TOX3: variants seen among roughly 807,000 people sequenced by gnomAD.
The protein encoded by TOX3 is TOX high mobility group box family member 3.
A neutral mutation model predicts 64.3 loss-of-function variants in TOX3; 22 were observed. The ratio of observed to expected loss-of-function variants is 0.34; its 90% confidence interval spans 0.24 to 0.49. TOX3 has a LOEUF of 0.49. Ranked by LOEUF, TOX3 falls within the 20% of genes least tolerant of loss-of-function variation. The pLI, the probability that TOX3 is intolerant of heterozygous loss-of-function variation, is 0.99. For missense variants in TOX3, 661 were observed against 714.4 expected (o/e 0.93, Z 0.85); for synonymous variants, 291 against 273.6 (o/e 1.06, Z -0.63).
intron 3 of TOX3, among the ~76,000 whole-genome samples, chr16:52,452,175 T>C (rs1960370887): frequency 6.6e-6 from 1 of 152,202 alleles, no homozygotes; most frequent in African/African-American, 2.4e-5. Flanking sequence ...AAGTGTATCC[T>C]AACATTAACA....
At chr16:52,459,034 C>T (rs1476448068) in intron 3 of TOX3, among the ~76,000 whole-genome samples, 1 of 152,072 alleles carries the variant, frequency 6.6e-6, no homozygotes, top group Admixed American at 6.5e-5. Flanking sequence ...TAAAAACAGG[C>T]CAGGTGCAGT....
chr16:52,442,879 A>C (rs1960044756), intron 6 of TOX3, among the ~76,000 whole-genome samples: 1 of 152,104 alleles, frequency 6.6e-6, no homozygotes, highest in Non-Finnish European at 1.5e-5. Flanking sequence ...GGTGTCATTG[A>C]ATTCTACCTG....
At chr16:52,461,943 A>G (rs1373966224) in intron 3 of TOX3, among the ~76,000 whole-genome samples, 1 of 152,140 alleles carries the variant, frequency 6.6e-6, no homozygotes, top group Non-Finnish European at 1.5e-5. Context: ...TACATAGAAC[A>G]AAGCCAACAA....
Position 52,480,071 on chromosome 16 carries a change from T to A in TOX3, c.88-11497A>T, listed in dbSNP as rs192943846. Among the ~76,000 whole-genome samples the A allele has an allele frequency of 9.9e-4, 151 of 152,322 alleles. 1 individual carries two copies. Among genetic ancestry groups the A allele is most frequent in the African/African-American group, 3.6e-3 (148 of 41,560 alleles). ...AGTGTCTGTCTCCCTGCTACAGTCC[T>A]TGGGGGCAGAGGCAATGCCTCATTG... is the stretch of plus-strand genomic sequence containing the variant. On this transcript the variant is annotated intron_variant, in intron 1 of 6. Transcript: ENST00000219746.
intron 1 of TOX3, among the ~76,000 whole-genome samples, chr16:52,514,430 T>A (rs1364867543): frequency 1.3e-5 from 2 of 152,232 alleles, no homozygotes; most frequent in East Asian, 3.9e-4. Context: ...TGAGCCCAAC[T>A]GATGCCTAAC....
In TOX3 at chr16:52,446,068, G is replaced by A. The variant is rs751141352; in HGVS notation, c.832C>T (p.Pro278Ser). The A allele has an allele frequency of 1.9e-6, 3 of 1,613,792 alleles. No homozygotes were observed. The highest frequency in any genetic ancestry group is 1.7e-5 in the Admixed American group (1 of 59,990). ...DTQAAIKGQN[P>S]NATFGEVSKI... The stretch of plus-strand genomic sequence containing the variant: ...GAGACCTCTCCAAAGGTTGCATTGG[G>A]GTTTTGACCTTTAATTGCAGCCTGT... Residue 278 changes from proline (P) to serine (S), a missense_variant, in exon 5 of 7, where the codon CCC becomes TCC. Coordinates refer to ENST00000219746, the MANE Select transcript of TOX3 (RefSeq NM_001080430.4).
chr16:52,469,874 G>T (rs2151760182), intron 1 of TOX3, among the ~76,000 whole-genome samples: 1 of 152,256 alleles, frequency 6.6e-6, no homozygotes, highest in East Asian at 1.9e-4. Flanking sequence ...TCATGTCAGG[G>T]ATCCAAGAAC....
Position 52,463,007 on chromosome 16 carries a change from T to C in TOX3, c.408+927A>G, listed in dbSNP as rs149298951. 5.9e-5 allele frequency among the ~76,000 whole-genome samples: 9 copies of C among 152,292 alleles called. No homozygotes were observed. In the East Asian group the frequency reaches 1.5e-3, roughly 26 times the overall value. ...TAATCCACTACATATTTTGCAATCA[T>C]ATGTTGTTATCTGGGGAATTAACAA... On this transcript the variant is annotated intron_variant, in intron 3 of 6. Coordinates refer to ENST00000219746, the MANE Select transcript of TOX3 (RefSeq NM_001080430.4).
chr16:52,439,506 G>T lies in TOX3; in HGVS notation c.1450C>A (p.His484Asn), dbSNP rs371036139. The change falls in exon 7 of 7, where the codon CAC becomes AAC. Residue 484 changes from histidine to asparagine, a missense_variant. His to Asn is a moderately conservative substitution (Grantham distance 68). Around this residue, in one of 3 missense-constraint regions of TOX3, gnomAD observed 299 missense variants for 292.1 expected, o/e 1.02. Coordinates refer to ENST00000219746, the MANE Select transcript of TOX3 (RefSeq NM_001080430.4). ...TGCTGCAGGTGCTGCTGCATGTGGTGCTGGAAATGCTGCTGCTGCATCTGC... is the reference window on the plus strand; with the variant it reads ...TGCTGCAGGTGCTGCTGCATGTGGTTCTGGAAATGCTGCTGCTGCATCTGC... ...QQQMQQQHFQHHMQQHLQQQQ... is the reference protein window; with the variant it reads ...QQQMQQQHFQNHMQQHLQQQQ... 4.3e-6 allele frequency: 6 copies of T among 1,408,318 alleles called. No individual in the cohort carries two copies. In the African/African-American group the frequency reaches 7.2e-5, roughly 17 times the overall value. The allele number at this position is 1,408,318 out of a possible 1,614,324, so 87.2% of individuals were successfully genotyped here.
chr16:52,483,827 C>T (rs928536904), intron 1 of TOX3, among the ~76,000 whole-genome samples: 14 of 151,956 alleles, frequency 9.2e-5, no homozygotes, highest in Non-Finnish European at 1.6e-4. Flanking sequence ...CTCAGCCTCC[C>T]GAAGTGCTGG....
chr16:52,449,082 C>G (rs1464291551), intron 4 of TOX3, among the ~76,000 whole-genome samples: 1 of 152,202 alleles, frequency 6.6e-6, no homozygotes, highest in African/African-American at 2.4e-5. Context: ...TTCATTCCCT[C>G]CCTTGATGAA....
intron 1 of TOX3, among the ~76,000 whole-genome samples, chr16:52,480,883 G>C (rs966009727): frequency 1.3e-5 from 2 of 149,204 alleles, no homozygotes; most frequent in African/African-American, 5.0e-5. Context: ...ATTCTCTGCC[G>C]GGGCAATTTT....
At position 52,465,005 on chromosome 16, in the gene TOX3, C is replaced by CTTTTTTTTTTTTTTTT; in HGVS notation, c.154-833_154-818dup. ...AGACCTAAGTAAGTCTTAATGCATT[C>CTTTTTTTTTTTTTTTT]TTTTTTTTTTTTTTTTTTTTTTTTT... On this transcript the variant is annotated intron_variant, in intron 2 of 6. Coordinates refer to ENST00000219746, the MANE Select transcript of TOX3 (RefSeq NM_001080430.4). Among the ~76,000 whole-genome samples, 69 of 70,954 alleles carry CTTTTTTTTTTTTTTTT rather than the reference C, an allele frequency of 9.7e-4. 10 individuals carry two copies. The highest frequency in any genetic ancestry group is 3.5e-3 in the East Asian group (8 of 2,276). The allele number at this position is 70,954 out of a possible 152,430, so 46.5% of individuals were successfully genotyped here.
chr16:52,491,887 T>A (rs996807139), intron 1 of TOX3, among the ~76,000 whole-genome samples: 2 of 152,208 alleles, frequency 1.3e-5, no homozygotes, highest in Admixed American at 6.5e-5. Context: ...TCCGTTCTAA[T>A]TTTTCTGATG....
chr16:52,492,564 A>AATATATATATATATATATATATATAT (rs56848244), intron 1 of TOX3, among the ~76,000 whole-genome samples: 10 of 90,678 alleles, frequency 1.1e-4, no homozygotes, highest in African/African-American at 1.8e-4. Flanking sequence ...GTTGTATATA[A>AATATATATATATATATATATATATAT]ATATATATAT....
intron 1 of TOX3, among the ~76,000 whole-genome samples, chr16:52,489,865 A>G (rs1300339653): frequency 6.6e-6 from 1 of 151,880 alleles, no homozygotes; most frequent in African/African-American, 2.4e-5. Flanking sequence ...TGGTCATTCA[A>G]CTACACCAAC....
chr16:52,517,879 T>C (rs914289697), intron 1 of TOX3, among the ~76,000 whole-genome samples: 1 of 152,180 alleles, frequency 6.6e-6, no homozygotes, highest in Admixed American at 6.5e-5. Flanking sequence ...AGACACAGAT[T>C]TTTGCTTCTA....
intron 1 of TOX3, among the ~76,000 whole-genome samples, chr16:52,481,929 C>T (rs73586891): frequency 0.012 from 1,776 of 152,228 alleles, 32 homozygotes; most frequent in African/African-American, 0.04. Context: ...ATCCCACTTC[C>T]GACGAGGTCT....
chr16:52,472,738 C>T (rs1961084771), intron 1 of TOX3, among the ~76,000 whole-genome samples: 1 of 152,088 alleles, frequency 6.6e-6, no homozygotes, highest in African/African-American at 2.4e-5. Flanking sequence ...TTAAAGAAAT[C>T]AGGCAATTCC....
Sources: gnomAD v4.1 joint callset for allele counts (sites outside exome capture counted in the v4.1 genomes callset) on GRCh38, gnomAD v4.1.1 for gene constraint, gnomAD v4.1.1 regional missense constraint, MANE v1.5 for transcripts, NCBI Gene and HGNC (gene_info 2026-07-23, HGNC 2026-07-21) for gene names.